ZNF763: variants seen among roughly 807,000 people sequenced by gnomAD.
ZNF763 encodes the protein zinc finger protein 763.
In ZNF763, 33 loss-of-function variants were observed where a neutral mutation model predicts 38.0. The ratio of observed to expected loss-of-function variants is 0.87; its 90% CI spans 0.66 to 1.16. The LOEUF is 1.16. Among genes scored for constraint, ZNF763 ranks in the 50% most tolerant of loss-of-function variants. The probability of loss-of-function intolerance (pLI) is 0.00; values close to 1 mark genes in which losing one functional copy is unlikely to be tolerated. For synonymous variants in ZNF763, 155 were observed against 160.1 expected (o/e 0.97, Z 0.24); for missense variants, 423 against 469.1 (o/e 0.90, Z 0.91).
chr19:11,975,624 C>T (rs528980080), intron 1 of ZNF763, among the ~76,000 whole-genome samples: 7 of 150,692 alleles, frequency 4.6e-5, no homozygotes, highest in Non-Finnish European at 8.9e-5. Flanking sequence ...CCTCGTGATC[C>T]GCCCGCCTCG....
rs1168039437 is a variant in ZNF763, at chr19:11,979,682, G to T, written c.*573G>T. The stretch of plus-strand genomic sequence containing the variant: ...ATCTGCCTCAATCCTTCAAATGCAT[G>T]CTGGGACTCACCCTGAAGAGAAGCC... On this transcript the variant is annotated 3_prime_UTR_variant, in exon 4 of 4. Coordinates refer to ENST00000358987, the MANE Select transcript of ZNF763 (RefSeq NM_001367172.2). 6.2e-7 allele frequency: 1 copy of T among 1,602,538 alleles called. No homozygotes were observed. The highest frequency in any genetic ancestry group is 2.2e-5 in the East Asian group (1 of 44,554).
At chr19:11,965,718 T>G (rs1973213524) in intron 1 of ZNF763, among the ~76,000 whole-genome samples, 1 of 152,212 alleles carries the variant, frequency 6.6e-6, no homozygotes, top group African/African-American at 2.4e-5. Context: ...CCAAACAATG[T>G]AAAATAAAGT....
rs199872030 is a variant in ZNF763, at chr19:11,977,406, T to C, written c.166T>C (p.Tyr56His). The C allele has an allele frequency of 4.6e-5, 74 of 1,613,816 alleles. No homozygotes were observed. Among genetic ancestry groups the C allele is most frequent in the African/African-American group, 6.7e-5 (5 of 74,904 alleles). The change falls in exon 3 of 4, where the codon TAC becomes CAC. Residue 56 changes from tyrosine (Y) to histidine (H), a missense_variant. By Grantham distance (83) the Tyr-to-His change is moderately conservative. Transcript: ENST00000358987. Reference protein sequence around the residue: ...KWKDQNIEYEYQNPRRNFRSL... With the variant: ...KWKDQNIEYEHQNPRRNFRSL... ...GAAAGACCAGAACATTGAATATGAGTACCAAAACCCCAGGAGAAACTTCAG... is the reference window on the plus strand; with the variant it reads ...GAAAGACCAGAACATTGAATATGAGCACCAAAACCCCAGGAGAAACTTCAG...
chr19:11,979,961 T>TA lies in ZNF763; in HGVS notation c.*853dup, dbSNP rs149704994. ...GTCATTTCAAATACCTGAAAAATCT[T>TA]ACACTGGAGAGAAACCCTATGAGTG... On this transcript the variant is annotated 3_prime_UTR_variant, in exon 4 of 4. Coordinates refer to ENST00000358987, the MANE Select transcript of ZNF763 (RefSeq NM_001367172.2). 18,977 of 1,083,964 alleles carry TA rather than the reference T, an allele frequency of 0.018. 343 individuals are homozygous for TA. The highest frequency in any genetic ancestry group is 0.024 in the South Asian group (1,909 of 78,932). 67.1% of individuals were successfully genotyped at this position (1,083,964 alleles called of 1,614,324 possible).
rs1294316603 is a variant in ZNF763, at chr19:11,979,197, C to T, written c.*88C>T. On this transcript the variant is annotated 3_prime_UTR_variant, in exon 4 of 4. Coordinates refer to ENST00000358987, the MANE Select transcript of ZNF763 (RefSeq NM_001367172.2). Reference sequence around the variant, plus strand: ...ACACTGGAGAGAAACCCTATAAATGCATGCCATGTGGTAAAGCCTTCAATC... The same window carrying T: ...ACACTGGAGAGAAACCCTATAAATGTATGCCATGTGGTAAAGCCTTCAATC... 1.2e-6 allele frequency: 2 copies of T among 1,610,990 alleles called. No homozygotes were observed. The highest frequency in any genetic ancestry group is 2.7e-5 in the African/African-American group (2 of 74,404).
chr19:11,974,075 TTC>T (rs1491556053), intron 1 of ZNF763, among the ~76,000 whole-genome samples: 21 of 66,168 alleles, frequency 3.2e-4, no homozygotes, highest in Non-Finnish European at 5.5e-4. Flanking sequence ...TTTCTTTTCT[TTC>T]TTTCTTTCTT....
At position 11,965,147 on chromosome 19, in the gene ZNF763, C is replaced by T; in HGVS notation, c.-62C>T. ...GGTTTCTATCGCTCTGTCTCCTGCG[C>T]TGTGCCCTTCTGTAGTCACAGGAGC... On this transcript the variant is annotated 5_prime_UTR_variant, in exon 1 of 4. Coordinates refer to ENST00000358987, the MANE Select transcript of ZNF763 (RefSeq NM_001367172.2). 1 of 1,611,778 alleles carries T rather than the reference C, an allele frequency of 6.2e-7. No homozygotes were observed. Among genetic ancestry groups the T allele is most frequent in the Non-Finnish European group, 8.5e-7 (1 of 1,178,028 alleles).
intron 2 of ZNF763, 88 bp downstream of exon 2, chr19:11,977,252 C>G (rs973436744): frequency 1.9e-6 from 3 of 1,604,158 alleles, no homozygotes; most frequent in African/African-American, 2.7e-5. Context: ...GGAACATAGA[C>G]AGGAAATACT....
At chr19:11,965,469 C>G (rs1369461838) in intron 1 of ZNF763, among the ~76,000 whole-genome samples, 2 of 152,208 alleles carry the variant, frequency 1.3e-5, no homozygotes, top group African/African-American at 4.8e-5. Context: ...GTTCCGCGCC[C>G]GCAGCCCCGC....
rs1188823673 is a variant in ZNF763 at position 11,965,327 on chromosome 19, GTCC to G, written c.3+121_3+123del. On this transcript the variant is annotated intron_variant, in intron 1 of 3. Transcript: ENST00000358987. The stretch of plus-strand genomic sequence containing the variant: ...GGGCGACTCCAGGGTCTGGGACCGA[GTCC>G]TCCTGGAGCTGCTCGGCCCTCGGTC... The G allele has an allele frequency of 5.5e-6, 8 of 1,448,182 alleles. No individual in the cohort carries two copies. The Admixed American group carries it at 7.7e-5, about 14-fold the overall frequency. 89.7% of individuals were successfully genotyped at this position (1,448,182 alleles called of 1,614,324 possible).
rs752435668 is a variant in ZNF763, at chr19:11,978,460, A to G, written c.536A>G (p.Lys179Arg). The change falls in exon 4 of 4, where the codon AAA becomes AGA. Residue 179 changes from lysine (K) to arginine (R), a missense_variant. Transcript: ENST00000358987. The stretch of plus-strand genomic sequence containing the variant: ...CCCTATGCTTGTAAAGAATGTGGAA[A>G]AACCTTTATTTCCCATTCAGGCATT... ...EKPYACKECGKTFISHSGIRR... is the reference protein window; with the variant it reads ...EKPYACKECGRTFISHSGIRR... 1 of 1,614,204 alleles carries G rather than the reference A, an allele frequency of 6.2e-7. No homozygotes were observed. The highest frequency in any genetic ancestry group is 1.1e-5 in the South Asian group (1 of 91,084).
At position 11,979,031 on chromosome 19, in the gene ZNF763, A is replaced by G. The variant is rs1225477064; in HGVS notation, c.1107A>G (p.Glu369=). The G allele has an allele frequency of 5.6e-6, 9 of 1,614,092 alleles. 1 individual carries two copies. The highest frequency in any genetic ancestry group is 5.5e-5 in the South Asian group (5 of 91,092). ...ERTHSAKKPY[E]CKQCGKALSY... ...CCCACTCTGCGAAAAAACCTTATGAATGTAAGCAGTGTGGGAAAGCATTAT... is the reference window on the plus strand; with the variant it reads ...CCCACTCTGCGAAAAAACCTTATGAGTGTAAGCAGTGTGGGAAAGCATTAT... Residue 369 remains glutamate, a synonymous_variant, in exon 4 of 4, where the codon GAA becomes GAG. Coordinates refer to ENST00000358987, the MANE Select transcript of ZNF763 (RefSeq NM_001367172.2).
At position 11,965,217 on chromosome 19, in the gene ZNF763, T is replaced by A; in HGVS notation, c.3+6T>A. The A allele has an allele frequency of 1.9e-6, 3 of 1,614,040 alleles. No individual in the cohort carries two copies. Among genetic ancestry groups the A allele is most frequent in the Non-Finnish European group, 2.5e-6 (3 of 1,179,940 alleles). On this transcript the variant is annotated splice_donor_region_variant and intron_variant, in intron 1 of 3. Transcript: ENST00000358987. ...CATCTGAAAGCCAGGAAATGGTGCG[T>A]GTGCATAGCCGGTTGTCCCGAGACG... is the stretch of plus-strand genomic sequence containing the variant.
Position 11,980,136 on chromosome 19 carries a change from G to C in ZNF763, c.*1027G>C, listed in dbSNP as rs894067761. 15 of 791,544 alleles carry C rather than the reference G, an allele frequency of 1.9e-5. No homozygotes were observed. Among genetic ancestry groups the C allele is most frequent in the Non-Finnish European group, 3.0e-5 (15 of 497,836 alleles). 49.0% of individuals were successfully genotyped at this position (791,544 alleles called of 1,614,324 possible). On this transcript the variant is annotated 3_prime_UTR_variant, in exon 4 of 4. Transcript: ENST00000358987. ...CGAAAACATGGTAGGACTCACACTGGATAGAAACCAAAGCAGGTGAATCAC... is the reference window on the plus strand; with the variant it reads ...CGAAAACATGGTAGGACTCACACTGCATAGAAACCAAAGCAGGTGAATCAC...
Position 11,979,964 on chromosome 19 carries a change from A to G in ZNF763, c.*855A>G, listed in dbSNP as rs1973585928. On this transcript the variant is annotated 3_prime_UTR_variant, in exon 4 of 4. Coordinates refer to ENST00000358987, the MANE Select transcript of ZNF763 (RefSeq NM_001367172.2). ...ATTTCAAATACCTGAAAAATCTTAC[A>G]CTGGAGAGAAACCCTATGAGTGTAA... 3 of 1,227,726 alleles carry G rather than the reference A, an allele frequency of 2.4e-6. No individual in the cohort carries two copies. Among genetic ancestry groups the G allele is most frequent in the South Asian group, 2.4e-5 (2 of 82,536 alleles). The allele number at this position is 1,227,726 out of a possible 1,614,324, so 76.1% of individuals were successfully genotyped here.
Position 11,980,132 on chromosome 19 carries a change from A to G in ZNF763, c.*1023A>G. ...CCTTCGAAAACATGGTAGGACTCAC[A>G]CTGGATAGAAACCAAAGCAGGTGAA... On this transcript the variant is annotated 3_prime_UTR_variant, in exon 4 of 4. Coordinates refer to ENST00000358987, the MANE Select transcript of ZNF763 (RefSeq NM_001367172.2). 1.1e-5 allele frequency: 9 copies of G among 816,620 alleles called. No individual in the cohort carries two copies. In the South Asian group the frequency reaches 1.3e-4, roughly 12 times the overall value. 50.6% of individuals were successfully genotyped at this position (816,620 alleles called of 1,614,324 possible). A position where few individuals can be genotyped will look rare whatever the true frequency, so the allele number is the denominator to read the frequency against.
chr19:11,976,263 T>G (rs1463389205), intron 1 of ZNF763, among the ~76,000 whole-genome samples: 1 of 151,650 alleles, frequency 6.6e-6, no homozygotes, highest in Non-Finnish European at 1.5e-5. Flanking sequence ...TTACGACAGG[T>G]GCTACAGACC....
intron 3 of ZNF763, 85 bp from the exon 4 acceptor site, chr19:11,978,031 G>C: frequency 6.6e-7 from 1 of 1,512,678 alleles, no homozygotes; most frequent in African/African-American, 1.4e-5. Flanking sequence ...CACCTTGATG[G>C]ACCATGTTAA....
rs970673449 is a variant in ZNF763, at chr19:11,980,181, A to C, written c.*1072A>C. ...AATCACCTGAGGTCAGGAGTTCAAG[A>C]CTGGCCTGATCAATATGATGAAACC... On this transcript the variant is annotated 3_prime_UTR_variant, in exon 4 of 4. Coordinates refer to ENST00000358987, the MANE Select transcript of ZNF763 (RefSeq NM_001367172.2). The C allele has an allele frequency of 1.7e-5, 10 of 572,832 alleles. No homozygotes were observed. In the African/African-American group the frequency reaches 1.9e-4, roughly 11 times the overall value. The allele number at this position is 572,832 out of a possible 1,614,324, so 35.5% of individuals were successfully genotyped here. A position where few individuals can be genotyped will look rare whatever the true frequency, so the allele number is the denominator to read the frequency against.
Sources: gnomAD v4.1 joint callset for allele counts (sites outside exome capture counted in the v4.1 genomes callset) on GRCh38, gnomAD v4.1.1 for gene constraint, MANE v1.5 for transcripts, NCBI Gene and HGNC (gene_info 2026-07-23, HGNC 2026-07-21) for gene names.